CADM2: variants seen among roughly 807,000 people sequenced by gnomAD.
The protein encoded by CADM2 is cell adhesion molecule 2.
A neutral mutation model predicts 49.8 loss-of-function variants in CADM2; 12 were observed. That is an observed-to-expected ratio of 0.24 (90% confidence interval 0.15 to 0.39). The LOEUF (loss-of-function observed/expected upper bound fraction) is 0.39, where lower values mean the gene tolerates loss of function less well. Among genes scored for constraint, CADM2 ranks in the 10% least tolerant of loss-of-function variants. The pLI, the probability that CADM2 is intolerant of heterozygous loss-of-function variation, is 1.00. For missense variants in CADM2, 378 were observed against 492.3 expected, an observed-to-expected ratio of 0.77 and a Z score of 2.20; for synonymous variants, 214 against 175.4, an observed-to-expected ratio of 1.22 and a Z score of -1.74.
At chr3:85,100,138 CT>C (rs2037957132) in intron 1 of CADM2, among the ~76,000 whole-genome samples, 1 of 152,088 alleles carries the variant, frequency 6.6e-6, no homozygotes, top group African/African-American at 2.4e-5. Flanking sequence ...ATTTTAAAAC[CT>C]TCTCCAGTGA....
intron 7 of CADM2, among the ~76,000 whole-genome samples, chr3:85,941,560 A>T (rs1721911196): frequency 6.6e-6 from 1 of 152,088 alleles, no homozygotes. Context: ...CAAAATAGTT[A>T]AAACGAGACA....
intron 2 of CADM2, among the ~76,000 whole-genome samples, chr3:85,790,323 G>A (rs1001437484): frequency 1.6e-4 from 24 of 152,178 alleles, no homozygotes; most frequent in African/African-American, 4.8e-4. Flanking sequence ...ACAGCACATG[G>A]TAGCTAGTTC....
intron 8 of CADM2, among the ~76,000 whole-genome samples, chr3:85,999,266 A>AGGC (rs1559791799): frequency 1.9e-5 from 2 of 104,318 alleles, no homozygotes; most frequent in African/African-American, 6.8e-5. Flanking sequence ...TGGGAGGCCG[A>AGGC]GGGTTGGGGG....
At chr3:86,021,064 A>G (rs1186891590) in intron 8 of CADM2, among the ~76,000 whole-genome samples, 1 of 152,012 alleles carries the variant, frequency 6.6e-6, no homozygotes, top group Non-Finnish European at 1.5e-5. Flanking sequence ...CGGTGACGAG[A>G]TCTCGGCTCA....
At chr3:85,560,090 A>G (rs2062054848) in intron 1 of CADM2, among the ~76,000 whole-genome samples, 1 of 152,152 alleles carries the variant, frequency 6.6e-6, no homozygotes, top group African/African-American at 2.4e-5. Context: ...TTGTTTATGG[A>G]TTTTAAAAAT....
intron 8 of CADM2, among the ~76,000 whole-genome samples, chr3:86,031,308 T>C (rs1734532440): frequency 6.6e-6 from 1 of 151,824 alleles, no homozygotes; most frequent in African/African-American, 2.4e-5. Flanking sequence ...CAAGACAAGT[T>C]CTGTCATTAC....
At chr3:86,026,644 A>G (rs1006378747) in intron 8 of CADM2, among the ~76,000 whole-genome samples, 1 of 152,138 alleles carries the variant, frequency 6.6e-6, no homozygotes, top group East Asian at 1.9e-4. Flanking sequence ...TCAAAACCTC[A>G]TGAACTTTTA....
At chr3:84,995,232 T>G (rs1167824817) in intron 1 of CADM2, among the ~76,000 whole-genome samples, 2 of 152,146 alleles carry the variant, frequency 1.3e-5, no homozygotes, top group Non-Finnish European at 1.5e-5. Flanking sequence ...CCTGCCATAA[T>G]TTCATGCTAA....
intron 1 of CADM2, among the ~76,000 whole-genome samples, chr3:85,230,924 G>A (rs533097154): frequency 1.8e-4 from 28 of 151,948 alleles, no homozygotes; most frequent in Admixed American, 7.2e-4. Context: ...TGGCTTACAC[G>A]ACAGACATTT....
chr3:85,688,232 A>T (rs2066273280), intron 1 of CADM2, among the ~76,000 whole-genome samples: 1 of 152,172 alleles, frequency 6.6e-6, no homozygotes, highest in Non-Finnish European at 1.5e-5. Flanking sequence ...GACCGTTTGC[A>T]TATAATAAAG....
intron 1 of CADM2, among the ~76,000 whole-genome samples, chr3:85,210,306 G>GTC (rs1559722080): frequency 6.6e-6 from 1 of 152,132 alleles, no homozygotes; most frequent in African/African-American, 2.4e-5. Context: ...AACCATCCAT[G>GTC]TCTCCCTGGG....
At chr3:84,980,115 T>C (rs2107131681) in intron 1 of CADM2, among the ~76,000 whole-genome samples, 1 of 152,354 alleles carries the variant, frequency 6.6e-6, no homozygotes, top group East Asian at 1.9e-4. Flanking sequence ...CCCCTCATTA[T>C]GGAGCAAAGC....
intron 1 of CADM2, among the ~76,000 whole-genome samples, chr3:85,326,162 T>C (rs1295909851): frequency 2.0e-5 from 3 of 152,200 alleles, no homozygotes; most frequent in Non-Finnish European, 4.4e-5. Context: ...TCTCAGAGAC[T>C]GAAAGAGATT....
chr3:85,635,289 T>C (rs904382783), intron 1 of CADM2, among the ~76,000 whole-genome samples: 4 of 152,126 alleles, frequency 2.6e-5, no homozygotes, highest in Non-Finnish European at 5.9e-5. Context: ...CTAGATCTTC[T>C]TTTTCCAAAT....
intron 1 of CADM2, among the ~76,000 whole-genome samples, chr3:85,254,918 G>A (rs1030369194): frequency 4.6e-5 from 7 of 152,062 alleles, no homozygotes; most frequent in Non-Finnish European, 8.8e-5. Context: ...AGATGCCAGA[G>A]CCAATGCTTA....
At chr3:85,570,293 T>C (rs2062437400) in intron 1 of CADM2, among the ~76,000 whole-genome samples, 1 of 152,166 alleles carries the variant, frequency 6.6e-6, no homozygotes, top group African/African-American at 2.4e-5. Context: ...AAACATGAGT[T>C]AATAATTACA....
intron 1 of CADM2, among the ~76,000 whole-genome samples, chr3:85,441,216 A>G (rs1044613658): frequency 6.6e-6 from 1 of 151,906 alleles, no homozygotes; most frequent in Admixed American, 6.6e-5. Context: ...TCAGTTTTTA[A>G]TATTATGTTA....
At chr3:85,331,787 C>T (rs537380607) in intron 1 of CADM2, among the ~76,000 whole-genome samples, 103 of 152,102 alleles carry the variant, frequency 6.8e-4, no homozygotes, top group African/African-American at 1.8e-3. Flanking sequence ...GCATTCATTA[C>T]GGCCTGTCTT....
intron 5 of CADM2, among the ~76,000 whole-genome samples, chr3:85,906,220 G>T (rs1368636703): frequency 6.6e-6 from 1 of 152,096 alleles, no homozygotes; most frequent in Non-Finnish European, 1.5e-5. Context: ...ACATTCTAAT[G>T]TAGACAAATA....
Sources: allele counts gnomAD v4.1 joint callset (sites outside exome capture counted in the v4.1 genomes callset), GRCh38; gene constraint gnomAD v4.1.1; transcripts MANE v1.5; gene names NCBI Gene and HGNC (gene_info 2026-07-23, HGNC 2026-07-21).